Variants in SLCO3A1 observed in about 807,000 individuals in gnomAD.
SLCO3A1 encodes the protein PGE1 transporter.
SLCO3A1 carries 27 observed loss-of-function variants against 63.1 expected under a neutral mutation model. That is an observed-to-expected ratio of 0.43 (90% confidence interval 0.32 to 0.59). The LOEUF (loss-of-function observed/expected upper bound fraction) is 0.59, where lower values mean the gene tolerates loss of function less well. Ranked by LOEUF, SLCO3A1 falls within the 20% of genes least tolerant of loss-of-function variation. The probability of loss-of-function intolerance (pLI) is 0.09; values close to 1 mark genes in which losing one functional copy is unlikely to be tolerated. For missense variants in SLCO3A1, 773 were observed against 945.8 expected, an observed-to-expected ratio of 0.82 and a Z score of 2.40; for synonymous variants, 473 against 409.9, an observed-to-expected ratio of 1.15 and a Z score of -1.86.
intron 2 of SLCO3A1, among the ~76,000 whole-genome samples, chr15:92,010,431 C>T (rs917694320): frequency 1.3e-5 from 2 of 152,180 alleles, no homozygotes; most frequent in Non-Finnish European, 2.9e-5. Context: ...TTCATTTGGT[C>T]TAGGGACCCT....
At chr15:92,025,006 C>T (rs966689013) in intron 2 of SLCO3A1, among the ~76,000 whole-genome samples, 7 of 149,344 alleles carry the variant, frequency 4.7e-5, no homozygotes, top group Non-Finnish European at 1.0e-4. Flanking sequence ...GCCTTCCATC[C>T]ATCTGTTCAT....
At chr15:92,098,963 C>T (rs549119694) in intron 3 of SLCO3A1, among the ~76,000 whole-genome samples, 2 of 152,300 alleles carry the variant, frequency 1.3e-5, no homozygotes, top group African/African-American at 2.4e-5. Context: ...GGGATTCATC[C>T]CCAGGCCTGT....
intron 2 of SLCO3A1, among the ~76,000 whole-genome samples, chr15:91,945,045 A>G (rs1316068981): frequency 6.6e-6 from 1 of 152,134 alleles, no homozygotes; most frequent in Non-Finnish European, 1.5e-5. Context: ...CACCCAACAG[A>G]TATTTATTAA....
intron 2 of SLCO3A1, among the ~76,000 whole-genome samples, chr15:92,001,710 T>C (rs1375887118): frequency 1.3e-5 from 2 of 152,122 alleles, no homozygotes; most frequent in African/African-American, 4.8e-5. Context: ...GTTAAAGTGG[T>C]CATGTATTAA....
chr15:92,000,392 T>G (rs1424025873), intron 2 of SLCO3A1, among the ~76,000 whole-genome samples: 1 of 150,628 alleles, frequency 6.6e-6, no homozygotes, highest in Admixed American at 6.6e-5. Context: ...AATGTTTTTT[T>G]CCTTTTTTTT....
In SLCO3A1 at chr15:91,968,774, G is replaced by T. The variant is rs1189850525; in HGVS notation, c.646+52316G>T. Among the ~76,000 whole-genome samples the T allele has an allele frequency of 2.0e-5, 3 of 152,192 alleles. No homozygotes were observed. The highest frequency in any genetic ancestry group is 7.2e-5 in the African/African-American group (3 of 41,444). ...CACGACGTGTCCAGCTTCTTTGTGC[G>T]CTCACAGCAGGCACTGCACTGTCCG... On this transcript the variant is annotated intron_variant, in intron 2 of 9. Coordinates refer to ENST00000318445, the MANE Select transcript of SLCO3A1 (RefSeq NM_013272.4). This position sits in a 1 kb window ranked among gnomAD's most constrained non-coding sequence, Gnocchi z 4.2.
intron 2 of SLCO3A1, among the ~76,000 whole-genome samples, chr15:92,012,582 A>G (rs1034318548): frequency 6.6e-6 from 1 of 152,080 alleles, no homozygotes; most frequent in African/African-American, 2.4e-5. Context: ...GTTGATGTAG[A>G]CTGTGATGAA....
chr15:92,172,019 C>A (rs2048524614), exon 11 of SLCO3A1: 1 of 626,498 alleles, frequency 1.6e-6, no homozygotes, highest in Non-Finnish European at 2.8e-6. Flanking sequence ...CAAGCGCAGG[C>A]CTGTGATGAG....
intron 1 of SLCO3A1, among the ~76,000 whole-genome samples, chr15:91,913,302 C>T (rs755807345): frequency 7.2e-5 from 11 of 152,214 alleles, no homozygotes; most frequent in Non-Finnish European, 1.2e-4. Flanking sequence ...CAGAGCTTGC[C>T]GAAGGCCAGG....
chr15:92,017,381 A>G (rs2046451198), intron 2 of SLCO3A1, among the ~76,000 whole-genome samples: 1 of 152,150 alleles, frequency 6.6e-6, no homozygotes, highest in South Asian at 2.1e-4. Flanking sequence ...TGTAAGTGAA[A>G]CCAAATTATG....
intron 2 of SLCO3A1, among the ~76,000 whole-genome samples, chr15:91,921,866 A>G (rs1898857444): frequency 6.6e-6 from 1 of 151,618 alleles, no homozygotes; most frequent in Non-Finnish European, 1.5e-5. Flanking sequence ...AGTAGCTGAG[A>G]TTATAGGTGC....
chr15:92,126,532 T>C (rs1430825216), intron 6 of SLCO3A1, among the ~76,000 whole-genome samples: 3 of 152,218 alleles, frequency 2.0e-5, no homozygotes, highest in Admixed American at 6.5e-5. Context: ...CATTTGACTT[T>C]AGGAAAAATG....
chr15:91,870,204 T>A (rs113131717), intron 1 of SLCO3A1, among the ~76,000 whole-genome samples: 71 of 152,334 alleles, frequency 4.7e-4, no homozygotes, highest in African/African-American at 1.6e-3. Flanking sequence ...TAGGAATATA[T>A]CATTTTAGAG....
chr15:92,024,770 CCT>C (rs1315095263), intron 2 of SLCO3A1, among the ~76,000 whole-genome samples: 1 of 152,142 alleles, frequency 6.6e-6, no homozygotes, highest in Non-Finnish European at 1.5e-5. Flanking sequence ...CCACGGAAAA[CCT>C]CTCTGAGAAG....
At chr15:91,902,604 A>G (rs1020909119) in intron 1 of SLCO3A1, among the ~76,000 whole-genome samples, 4 of 152,036 alleles carry the variant, frequency 2.6e-5, no homozygotes, top group African/African-American at 4.8e-5. Context: ...CCACTGATCT[A>G]TCCAGAAGTT....
At chr15:92,167,589 T>C (rs537735740), downstream of SLCO3A1, among the ~76,000 whole-genome samples, 7 of 152,236 alleles carry the variant, frequency 4.6e-5, no homozygotes, top group Admixed American at 2.0e-4. Context: ...TGACAGACTT[T>C]GGACCCCACG....
Position 92,165,334 on chromosome 15 carries a change from T to A in SLCO3A1, c.*2199T>A. On this transcript the variant is annotated 3_prime_UTR_variant, in exon 10 of 10. Transcript: ENST00000318445. Reference sequence around the variant, plus strand: ...CTCCAACCACTTCATAAAATATGTATGTTCTGTTGTTCCTAAGGCTTTGAT... The same window carrying A: ...CTCCAACCACTTCATAAAATATGTAAGTTCTGTTGTTCCTAAGGCTTTGAT... 4 of 985,224 alleles carry A rather than the reference T, an allele frequency of 4.1e-6. No individual in the cohort carries two copies. The highest frequency in any genetic ancestry group is 4.8e-6 in the Non-Finnish European group (4 of 829,736). 61.0% of individuals were successfully genotyped at this position (985,224 alleles called of 1,614,324 possible).
At chr15:92,154,055 A>G (rs1462046588) in intron 9 of SLCO3A1, among the ~76,000 whole-genome samples, 1 of 152,198 alleles carries the variant, frequency 6.6e-6, no homozygotes, top group East Asian at 1.9e-4. Context: ...TGTATTTTAG[A>G]AAGGGCTTGT....
intron 1 of SLCO3A1, among the ~76,000 whole-genome samples, chr15:91,867,805 C>T (rs751390240): frequency 5.0e-4 from 76 of 152,238 alleles, no homozygotes; most frequent in South Asian, 1.7e-3. Context: ...GGTGACTGGG[C>T]GGAGGCCCCG....
Sources: allele counts gnomAD v4.1 joint callset (sites outside exome capture counted in the v4.1 genomes callset), GRCh38; gene constraint gnomAD v4.1.1; non-coding constraint Gnocchi (gnomAD v3.1); transcripts MANE v1.5; gene names NCBI Gene and HGNC (gene_info 2026-07-23, HGNC 2026-07-21).